CSMD1: variants seen among roughly 807,000 people sequenced by gnomAD.
CSMD1 encodes the protein CUB and sushi domain-containing protein 1.
Under a neutral mutation model 417.5 loss-of-function variants are expected in CSMD1, and 213 were observed. That is an observed-to-expected ratio of 0.51 (90% CI 0.46 to 0.57). The LOEUF is 0.57. CSMD1 is among the 20% of genes least tolerant of loss of function. The pLI, the probability that CSMD1 is intolerant of heterozygous loss-of-function variation, is 0.00. For synonymous variants in CSMD1, 2,862 were observed against 1,736.8 expected, an observed-to-expected ratio of 1.65 and a Z score of -16.11; for missense variants, 6,923 against 4,529.7, an observed-to-expected ratio of 1.53 and a Z score of -15.17.
intron 1 of CSMD1, chr8:4,787,620 T>C (rs2117217595): frequency 6.4e-6 from 10 of 1,565,768 alleles, no homozygotes; most frequent in South Asian, 1.1e-5. Context: ...TGCAGAAGAA[T>C]AGCAACTGGT....
chr8:4,275,280 A>G (rs1238360542), intron 3 of CSMD1, among the ~76,000 whole-genome samples: 2 of 152,236 alleles, frequency 1.3e-5, no homozygotes, highest in African/African-American at 2.4e-5. Context: ...CTTCTCTTTT[A>G]TGTTTTATTA....
At chr8:3,629,915 T>C (rs1169937059) in intron 7 of CSMD1, among the ~76,000 whole-genome samples, 1 of 152,220 alleles carries the variant, frequency 6.6e-6, no homozygotes, top group Non-Finnish European at 1.5e-5. Flanking sequence ...ATTCAAAATT[T>C]TCTTGTCACA....
In CSMD1 at chr8:4,402,789, C is replaced by T. The variant is rs997816868; in HGVS notation, c.415+17164G>A. On this transcript the variant is annotated intron_variant, in intron 3 of 69. Coordinates refer to ENST00000635120, the MANE Select transcript of CSMD1 (RefSeq NM_033225.6). ...CCCTTGATGCTGTGAGTATAATGTC[C>T]TCACTTTTTTCTTTTTTTTTTTTTT... is the stretch of plus-strand genomic sequence containing the variant. 4.5e-4 allele frequency among the ~76,000 whole-genome samples: 66 copies of T among 146,886 alleles called. 1 individual carries two copies. Among genetic ancestry groups the T allele is most frequent in the Non-Finnish European group, 9.0e-5 (6 of 66,966 alleles).
At chr8:2,948,006 A>C (rs1802368392) in intron 68 of CSMD1, among the ~76,000 whole-genome samples, 1 of 151,912 alleles carries the variant, frequency 6.6e-6, no homozygotes, top group Non-Finnish European at 1.5e-5. Context: ...TTACAAAATA[A>C]GTTCATCAGT....
At chr8:4,723,468 C>G (rs1809198213) in intron 1 of CSMD1, among the ~76,000 whole-genome samples, 1 of 152,086 alleles carries the variant, frequency 6.6e-6, no homozygotes, top group Admixed American at 6.6e-5. Flanking sequence ...TGATTCAAGT[C>G]ACTAAAGTGT....
chr8:4,333,356 G>A (rs115023493), intron 3 of CSMD1, among the ~76,000 whole-genome samples: 3,464 of 152,154 alleles, frequency 0.023, 48 homozygotes, highest in Middle Eastern at 0.034. Context: ...GCGAGCGCAG[G>A]GTTACTAGCA....
chr8:4,552,115 G>A (rs555587402), intron 2 of CSMD1, among the ~76,000 whole-genome samples: 26 of 152,120 alleles, frequency 1.7e-4, no homozygotes, highest in African/African-American at 6.0e-4. Flanking sequence ...ACATTAATGG[G>A]GTGTCTTAGA....
intron 1 of CSMD1, among the ~76,000 whole-genome samples, chr8:4,783,615 C>T (rs1381493977): frequency 6.6e-6 from 1 of 152,194 alleles, no homozygotes; most frequent in African/African-American, 2.4e-5. Flanking sequence ...ATTGCAGTGC[C>T]TCTTTTCACT....
intron 26 of CSMD1, among the ~76,000 whole-genome samples, chr8:3,252,048 C>T (rs974967192): frequency 1.3e-5 from 2 of 152,138 alleles, no homozygotes; most frequent in African/African-American, 4.8e-5. Context: ...TAATTGAATA[C>T]CTTTTATTTC....
intron 1 of CSMD1, among the ~76,000 whole-genome samples, chr8:4,951,443 G>C (rs573335888): frequency 6.9e-5 from 10 of 145,852 alleles, no homozygotes; most frequent in Non-Finnish European, 1.1e-4. Flanking sequence ...GAAAGAAAGA[G>C]GGAAGGAAGG....
intron 3 of CSMD1, among the ~76,000 whole-genome samples, chr8:4,328,977 A>C (rs558174473): frequency 6.6e-6 from 1 of 152,180 alleles, no homozygotes; most frequent in Admixed American, 6.5e-5. Flanking sequence ...CTCTTCTGTG[A>C]TATTTATTTT....
chr8:3,467,717 C>T (rs985936698), intron 12 of CSMD1, among the ~76,000 whole-genome samples: 3 of 152,044 alleles, frequency 2.0e-5, no homozygotes, highest in African/African-American at 7.3e-5. Context: ...AGAGAGCAGC[C>T]AAGGTGTGGC....
In CSMD1 at chr8:3,387,674, G is replaced by A. The variant is rs776304600; in HGVS notation, c.2602C>T (p.Leu868Phe). Residue 868 changes from leucine to phenylalanine, a missense_variant, in exon 18 of 70, where the codon CTT becomes TTT. Leu to Phe is a conservative substitution (Grantham distance 22, BLOSUM62 0). Transcript: ENST00000635120. ...GGGTCCAGGCAGGAATCCGACTCAA[G>A]CGTCACACCTGGATGCACAGAACGA... is the stretch of plus-strand genomic sequence containing the variant. ...GFLIHYESVT[L>F]ESDSCLDPGI... 3 of 1,594,914 alleles carry A rather than the reference G, an allele frequency of 1.9e-6. No individual in the cohort carries two copies. The highest frequency in any genetic ancestry group is 8.5e-7 in the Non-Finnish European group (1 of 1,170,518).
Position 4,976,747 on chromosome 8 carries a change from G to C in CSMD1, c.85+17585C>G, listed in dbSNP as rs564440117. Among the ~76,000 whole-genome samples the C allele has an allele frequency of 2.8e-4, 43 of 152,304 alleles. No homozygotes were observed. The South Asian group carries it at 6.6e-3, about 23-fold the overall frequency. ...TCCAGCATGTCCTTGCTGGAAATGA[G>C]CTTCACTTTCATGGCAAATGTGATA... On this transcript the variant is annotated intron_variant, in intron 1 of 69. Coordinates refer to ENST00000635120, the MANE Select transcript of CSMD1 (RefSeq NM_033225.6).
At chr8:4,852,309 G>T (rs780855679) in intron 1 of CSMD1, among the ~76,000 whole-genome samples, 2 of 152,162 alleles carry the variant, frequency 1.3e-5, no homozygotes, top group African/African-American at 4.8e-5. Context: ...ATCCCTCATA[G>T]ATGGCTTCCT....
chr8:3,088,037 G>A (rs907076016), intron 48 of CSMD1, among the ~76,000 whole-genome samples: 5 of 152,114 alleles, frequency 3.3e-5, no homozygotes, highest in African/African-American at 1.2e-4. Flanking sequence ...TTCTTTTTTA[G>A]CATATGGGAT....
chr8:4,782,089 C>T (rs946421252), intron 1 of CSMD1, among the ~76,000 whole-genome samples: 1 of 152,132 alleles, frequency 6.6e-6, no homozygotes. Flanking sequence ...AGCAGCTAGG[C>T]TATGCCTTTT....
chr8:4,940,024 T>A (rs1807881170), intron 1 of CSMD1, among the ~76,000 whole-genome samples: 2 of 152,122 alleles, frequency 1.3e-5, no homozygotes, highest in African/African-American at 4.8e-5. Flanking sequence ...GAAAGATCCA[T>A]GTGCCTGCAC....
chr8:4,856,503 G>A (rs1470174621), intron 1 of CSMD1, among the ~76,000 whole-genome samples: 1 of 139,488 alleles, frequency 7.2e-6, no homozygotes, highest in African/African-American at 3.0e-5. Context: ...CCATCAGTGT[G>A]CTGTATTCAG....
Sources: gnomAD v4.1 joint callset for allele counts (sites outside exome capture counted in the v4.1 genomes callset) on GRCh38, gnomAD v4.1.1 for gene constraint, MANE v1.5 for transcripts, NCBI Gene and HGNC (gene_info 2026-07-23, HGNC 2026-07-21) for gene names.